Variants in SH3GL2 observed in about 807,000 individuals in gnomAD.
The protein encoded by SH3GL2 is endophilin-A1.
SH3GL2 carries 24 observed loss-of-function variants against 46.0 expected under a neutral mutation model. The observed-to-expected ratio is 0.52, with a 90% CI of 0.38 to 0.73. SH3GL2 has a LOEUF of 0.73. Ranked by LOEUF, SH3GL2 falls within the 30% of genes least tolerant of loss-of-function variation. The pLI, the probability that SH3GL2 is intolerant of heterozygous loss-of-function variation, is 0.00. For missense variants in SH3GL2, 413 were observed against 424.2 expected, an observed-to-expected ratio of 0.97 and a Z score of 0.23; for synonymous variants, 196 against 147.1, an observed-to-expected ratio of 1.33 and a Z score of -2.40.
intron 3 of SH3GL2, among the ~76,000 whole-genome samples, chr9:17,778,049 A>G (rs1299846527): frequency 6.6e-6 from 1 of 152,034 alleles, no homozygotes; most frequent in African/African-American, 2.4e-5. Flanking sequence ...ATTTCAGTAT[A>G]CCTCTTGGTT....
chr9:17,776,989 C>T (rs527552718), intron 3 of SH3GL2, among the ~76,000 whole-genome samples: 31 of 152,240 alleles, frequency 2.0e-4, no homozygotes, highest in Admixed American at 1.1e-3. Flanking sequence ...GTAGCTCCCA[C>T]GGATAGGGAG....
chr9:17,725,887 C>G (rs944134469), intron 1 of SH3GL2, among the ~76,000 whole-genome samples: 7 of 152,108 alleles, frequency 4.6e-5, no homozygotes, highest in African/African-American at 1.7e-4. Context: ...TAGCCCTAGA[C>G]TAGGAGCTGG....
chr9:17,616,383 C>G (rs1191063562), intron 1 of SH3GL2, among the ~76,000 whole-genome samples: 1 of 152,086 alleles, frequency 6.6e-6, no homozygotes, highest in Non-Finnish European at 1.5e-5. Context: ...TTAGTGCTAG[C>G]TAATTACTTC....
intron 1 of SH3GL2, among the ~76,000 whole-genome samples, chr9:17,583,608 C>T (rs1270781192): frequency 1.3e-5 from 2 of 152,160 alleles, no homozygotes; most frequent in Non-Finnish European, 2.9e-5. Context: ...GTAGCCTGAA[C>T]AGACTAAGTC....
At chr9:17,747,019 T>A (rs1012307028) in intron 1 of SH3GL2, 47 bp from the exon 2 acceptor site, 1 of 1,296,036 alleles carries the variant, frequency 7.7e-7, no homozygotes, top group Non-Finnish European at 1.1e-6. Flanking sequence ...ACACATTTTT[T>A]AAAGAAACTG....
In SH3GL2 at chr9:17,707,345, A is replaced by T. The variant is rs147408698; in HGVS notation, c.46-39721A>T. 2.9e-3 allele frequency among the ~76,000 whole-genome samples: 447 copies of T among 152,122 alleles called. 8 individuals carry two copies. Among genetic ancestry groups the T allele is most frequent in the African/African-American group, 9.8e-3 (405 of 41,530 alleles). On this transcript the variant is annotated intron_variant, in intron 1 of 8. Transcript: ENST00000380607. ...TTGGGGTCATACAGAACACGGTTGTAATCTCACTAGCTATCTTCTAGGTGT... is the reference window on the plus strand; with the variant it reads ...TTGGGGTCATACAGAACACGGTTGTTATCTCACTAGCTATCTTCTAGGTGT...
intron 1 of SH3GL2, among the ~76,000 whole-genome samples, chr9:17,616,658 A>G (rs1819007850): frequency 6.6e-6 from 1 of 152,210 alleles, no homozygotes; most frequent in Admixed American, 6.5e-5. Context: ...TGCCTTATCA[A>G]AAAGTATTTT....
chr9:17,591,260 A>T (rs1818477056), intron 1 of SH3GL2: 1 of 152,162 alleles, frequency 6.6e-6, no homozygotes, highest in Non-Finnish European at 1.5e-5. Context: ...TTTGTGAAAC[A>T]GTGAGTTATA....
chr9:17,779,778 C>T (rs570113119), intron 3 of SH3GL2, among the ~76,000 whole-genome samples: 17 of 152,262 alleles, frequency 1.1e-4, no homozygotes, highest in African/African-American at 3.9e-4. Context: ...CTTTACCCCC[C>T]ACCACCATCC....
intron 1 of SH3GL2, among the ~76,000 whole-genome samples, chr9:17,698,073 T>C (rs1821253361): frequency 6.6e-6 from 1 of 152,206 alleles, no homozygotes; most frequent in Non-Finnish European, 1.5e-5. Flanking sequence ...TATAATTGCC[T>C]GGGTACTTCC....
chr9:17,653,574 A>G (rs1477314981), intron 1 of SH3GL2, among the ~76,000 whole-genome samples: 1 of 152,224 alleles, frequency 6.6e-6, no homozygotes, highest in East Asian at 1.9e-4. Context: ...CTCTGGAGTT[A>G]TTACCTGCTT....
At chr9:17,627,074 C>T (rs1819298559) in intron 1 of SH3GL2, among the ~76,000 whole-genome samples, 1 of 152,144 alleles carries the variant, frequency 6.6e-6, no homozygotes, top group African/African-American at 2.4e-5. Flanking sequence ...GTGCCAAAGA[C>T]TGAATAACAT....
chr9:17,600,719 G>A (rs1172333283), intron 1 of SH3GL2, among the ~76,000 whole-genome samples: 3 of 152,158 alleles, frequency 2.0e-5, no homozygotes, highest in Admixed American at 1.3e-4. Context: ...TTTAGTTTTT[G>A]TGGGGAATGG....
At chr9:17,784,067 G>A (rs1823887434) in intron 3 of SH3GL2, among the ~76,000 whole-genome samples, 1 of 152,062 alleles carries the variant, frequency 6.6e-6, no homozygotes, top group African/African-American at 2.4e-5. Context: ...TTCTTAATAT[G>A]TAATAAATTT....
chr9:17,780,683 A>G (rs1823782207), intron 3 of SH3GL2, among the ~76,000 whole-genome samples: 1 of 99,590 alleles, frequency 1.0e-5, no homozygotes, highest in Non-Finnish European at 2.0e-5. Flanking sequence ...TCCTGTGTCC[A>G]TGTGATCTCA....
At chr9:17,793,581 T>A in intron 8 of SH3GL2, 84 bp downstream of exon 8, 1 of 1,340,024 alleles carries the variant, frequency 7.5e-7, no homozygotes, top group South Asian at 1.3e-5. Context: ...AATAGTCCAA[T>A]CTGGCTGCAT....
chr9:17,710,691 C>T (rs1821597320), intron 1 of SH3GL2, among the ~76,000 whole-genome samples: 1 of 151,946 alleles, frequency 6.6e-6, no homozygotes, highest in Non-Finnish European at 1.5e-5. Flanking sequence ...TGTGCAATGG[C>T]ATATCGTTAA....
At chr9:17,748,276 A>C (rs1822750356) in intron 2 of SH3GL2, among the ~76,000 whole-genome samples, 1 of 152,200 alleles carries the variant, frequency 6.6e-6, no homozygotes, top group African/African-American at 2.4e-5. Context: ...GGTGGTGGGT[A>C]ATGGATCTGA....
intron 1 of SH3GL2, among the ~76,000 whole-genome samples, chr9:17,663,316 T>G (rs1310183016): frequency 6.6e-6 from 1 of 152,170 alleles, no homozygotes; most frequent in Non-Finnish European, 1.5e-5. Flanking sequence ...TATCCTTCAG[T>G]TTTTTTGTAT....
Sources: allele counts gnomAD v4.1 joint callset (sites outside exome capture counted in the v4.1 genomes callset), GRCh38; gene constraint gnomAD v4.1.1; transcripts MANE v1.5; gene names NCBI Gene and HGNC (gene_info 2026-07-23, HGNC 2026-07-21).